NIPAL4: variants seen among roughly 807,000 people sequenced by gnomAD.
NIPAL4 encodes the protein NIPA like domain containing 4, also known as magnesium transporter NIPA4.
In NIPAL4, 21 loss-of-function variants were observed where a neutral mutation model predicts 31.6. That is an observed-to-expected ratio of 0.67 (90% CI 0.47 to 0.96). The LOEUF is 0.96. Among genes scored for constraint, NIPAL4 ranks in the 40% least tolerant of loss-of-function variants. The pLI is 0.00. For synonymous variants in NIPAL4, 175 were observed against 211.1 expected (o/e 0.83, Z 1.48); for missense variants, 438 against 508.0 (o/e 0.86, Z 1.32).
At chr5:157,460,407 C>A in intron 1 of NIPAL4, 50 bp downstream of exon 1, 1 of 1,483,846 alleles carries the variant, frequency 6.7e-7, no homozygotes. Flanking sequence ...TTCGCGCCCT[C>A]CCCTCCTTGC....
rs1009145254 is a variant in NIPAL4, at chr5:157,466,644, G to A, written c.278-405G>A. On this transcript the variant is annotated intron_variant, in intron 2 of 5. Coordinates refer to ENST00000311946, the MANE Select transcript of NIPAL4 (RefSeq NM_001099287.2). ...GATGGACTGGATGCAGAAGGAGGGA[G>A]AGAAGAGTCAAAGAGCAATTCCCTG... Among the ~76,000 whole-genome samples, 120 of 152,328 alleles carry A rather than the reference G, an allele frequency of 7.9e-4. 1 individual carries two copies. The highest frequency in any genetic ancestry group is 2.8e-3 in the African/African-American group (117 of 41,582).
chr5:157,468,851 GT>G, intron 4 of NIPAL4, 39 bp downstream of exon 4: 1 of 1,395,644 alleles, frequency 7.2e-7, no homozygotes, highest in Non-Finnish European at 9.9e-7. Context: ...TTTCTATTCC[GT>G]TTTCAGTTTG....
Position 157,460,295 on chromosome 5 carries a change from G to A in NIPAL4, c.-26G>A, listed in dbSNP as rs1185946407. ...GGGAGCCCGGGCGCCGTCCGCCCGC[G>A]CGTCGGTTCGTGTGCCCCGGGCCCC... On this transcript the variant is annotated 5_prime_UTR_variant, in exon 1 of 6. Coordinates refer to ENST00000311946, the MANE Select transcript of NIPAL4 (RefSeq NM_001099287.2). 6.5e-7 allele frequency: 1 copy of A among 1,545,944 alleles called. No homozygotes were observed. The highest frequency in any genetic ancestry group is 1.2e-5 in the South Asian group (1 of 83,922).
chr5:157,460,330 CG>C lies in NIPAL4; in HGVS notation c.13del (p.Val5SerfsTer96). MEL[R>X]VSNTSCENGS... ...GTGTGCCCCGGGCCCCATGGAGCTG[CG>C]GGTCAGCAACACCAGCTGCGAGAAC... On this transcript the variant is annotated frameshift_variant, in exon 1 of 6. Coordinates refer to ENST00000311946, the MANE Select transcript of NIPAL4 (RefSeq NM_001099287.2). LOFTEE classifies it high-confidence loss of function. 1 of 1,547,724 alleles carries C rather than the reference CG, an allele frequency of 6.5e-7. No homozygotes were observed. The highest frequency in any genetic ancestry group is 8.7e-7 in the Non-Finnish European group (1 of 1,146,194).
chr5:157,470,022 T>C (rs191755454), intron 4 of NIPAL4, among the ~76,000 whole-genome samples: 1 of 152,244 alleles, frequency 6.6e-6, no homozygotes, highest in East Asian at 1.9e-4. Flanking sequence ...AATGGGACAT[T>C]GCGGCCAAAA....
intron 3 of NIPAL4, 26 bp from the exon 4 acceptor site, chr5:157,468,696 G>T: frequency 7.0e-7 from 1 of 1,431,766 alleles, no homozygotes; most frequent in South Asian, 1.1e-5. Flanking sequence ...CGCCATGCTA[G>T]CCTCTTTTCT....
In NIPAL4 at chr5:157,474,640, T is replaced by A. The variant is rs1754537671; in HGVS notation, c.*1680T>A. On this transcript the variant is annotated 3_prime_UTR_variant, in exon 6 of 6. Transcript: ENST00000311946. ...ATTAAAAGCAATGCAACAAGTTGGC[T>A]CTTGAGAATGGCAGTAAACTGAGGG... 2 of 152,224 alleles carry A rather than the reference T, an allele frequency of 1.3e-5. No homozygotes were observed. The highest frequency in any genetic ancestry group is 6.5e-5 in the Admixed American group (1 of 15,292). 9.4% of individuals were successfully genotyped at this position (152,224 alleles called of 1,614,324 possible).
chr5:157,468,973 G>T (rs1268944689), intron 4 of NIPAL4, among the ~76,000 whole-genome samples, 161 bp downstream of exon 4: 1 of 152,164 alleles, frequency 6.6e-6, no homozygotes, highest in Non-Finnish European at 1.5e-5. Flanking sequence ...ATAGACCCTG[G>T]GAATGTTTGC....
chr5:157,461,305 G>A (rs975714625), intron 1 of NIPAL4, among the ~76,000 whole-genome samples: 5 of 152,228 alleles, frequency 3.3e-5, no homozygotes, highest in African/African-American at 1.2e-4. Context: ...CTCAGAATTG[G>A]ATTACTTTGG....
intron 4 of NIPAL4, among the ~76,000 whole-genome samples, chr5:157,469,913 T>C (rs981536778): frequency 6.6e-6 from 1 of 152,198 alleles, no homozygotes; most frequent in African/African-American, 2.4e-5. Flanking sequence ...GGTACCATAA[T>C]TGCATATCTG....
chr5:157,469,409 C>T (rs902140732), intron 4 of NIPAL4, among the ~76,000 whole-genome samples: 1 of 152,156 alleles, frequency 6.6e-6, no homozygotes, highest in Non-Finnish European at 1.5e-5. Flanking sequence ...ATGTATCATG[C>T]ATATTAACTC....
rs987403446 is a variant in NIPAL4, at chr5:157,460,377, G to A, written c.37+20G>A. On this transcript the variant is annotated intron_variant, in intron 1 of 5. Transcript: ENST00000311946. ...AGAACGGTGCGTACGGCAGGGCTGG[G>A]GACCAGGCGGGCTCCGCGCTTCGCG... The A allele has an allele frequency of 6.5e-7, 1 of 1,535,782 alleles. No homozygotes were observed.
chr5:157,468,267 T>A (rs908296879), intron 3 of NIPAL4, among the ~76,000 whole-genome samples: 2 of 151,968 alleles, frequency 1.3e-5, no homozygotes, highest in African/African-American at 4.8e-5. Flanking sequence ...CTGTTGAAAA[T>A]TCCCCTGGAA....
chr5:157,460,421 C>G (rs930781785), intron 1 of NIPAL4, 64 bp downstream of exon 1: 1 of 1,433,450 alleles, frequency 7.0e-7, no homozygotes, highest in South Asian at 1.2e-5. Context: ...TCCTTGCCAC[C>G]GCTCTCCCTC....
chr5:157,472,237 G>C (rs1255485996), intron 5 of NIPAL4, 95 bp from the exon 6 acceptor site: 2 of 1,210,684 alleles, frequency 1.7e-6, no homozygotes, highest in South Asian at 2.8e-5. Context: ...TAGAGCCCAC[G>C]ATCTTAATGC....
In NIPAL4 at chr5:157,472,663, C is replaced by T. The variant is rs762722149; in HGVS notation, c.918C>T (p.Val306=). Residue 306 remains valine, a synonymous_variant, in exon 6 of 6, where the codon GTC becomes GTT. Transcript: ENST00000311946. The part of the protein sequence containing the change: ...PIYYVFFTTV[V]VTSSIILFKE... ...ACTACGTGTTCTTCACCACGGTGGT[C>T]GTTACCTCGTCCATCATCCTCTTCA... is the stretch of plus-strand genomic sequence containing the variant. The T allele has an allele frequency of 9.3e-6, 15 of 1,613,856 alleles. No individual in the cohort carries two copies. Among genetic ancestry groups the T allele is most frequent in the African/African-American group, 1.3e-5 (1 of 74,920 alleles).
chr5:157,468,463 A>G (rs1754341513), intron 3 of NIPAL4, among the ~76,000 whole-genome samples: 1 of 152,230 alleles, frequency 6.6e-6, no homozygotes, highest in Admixed American at 6.5e-5. Flanking sequence ...CTAAAGAACA[A>G]GAGGGCTTCT....
At chr5:157,466,343 T>C (rs962969407) in intron 2 of NIPAL4, among the ~76,000 whole-genome samples, 1 of 152,196 alleles carries the variant, frequency 6.6e-6, no homozygotes. Flanking sequence ...GCCAAAAGTA[T>C]GCATGCTCTT....
At chr5:157,472,264 G>A in intron 5 of NIPAL4, 68 bp from the exon 6 acceptor site, 6 of 1,448,810 alleles carry the variant, frequency 4.1e-6, no homozygotes, top group South Asian at 1.3e-5. Flanking sequence ...CCACTGCCAT[G>A]AGTCTGGGCC....
Sources: gnomAD v4.1 joint callset for allele counts (sites outside exome capture counted in the v4.1 genomes callset) on GRCh38, gnomAD v4.1.1 for gene constraint, MANE v1.5 for transcripts, NCBI Gene and HGNC (gene_info 2026-07-23, HGNC 2026-07-21) for gene names.